The following LRRC4C variants were observed in gnomAD, a reference collection of about 807,000 sequenced individuals.
LRRC4C encodes leucine-rich repeat-containing protein 4C.
LRRC4C carries 5 observed loss-of-function variants against 33.6 expected under a neutral mutation model. The ratio of observed to expected loss-of-function variants is 0.15; its 90% CI spans 0.08 to 0.31. LRRC4C has a LOEUF of 0.31. LRRC4C is among the 10% of genes least tolerant of loss of function. The probability of loss-of-function intolerance (pLI) is 1.00; values close to 1 mark genes in which losing one functional copy is unlikely to be tolerated. For missense variants in LRRC4C, 560 were observed against 796.7 expected, an observed-to-expected ratio of 0.70 and a Z score of 3.58; for synonymous variants, 329 against 302.0, an observed-to-expected ratio of 1.09 and a Z score of -0.93.
At chr11:40,610,900 T>A (rs1961150066) in intron 3 of LRRC4C, among the ~76,000 whole-genome samples, 1 of 151,830 alleles carries the variant, frequency 6.6e-6, no homozygotes, top group Non-Finnish European at 1.5e-5. Context: ...AAAGACATAC[T>A]GTGTCAATGG....
chr11:40,362,352 G>A (rs1201236899), intron 3 of LRRC4C, among the ~76,000 whole-genome samples: 1 of 152,082 alleles, frequency 6.6e-6, no homozygotes, highest in Non-Finnish European at 1.5e-5. Context: ...AAAAAAATTT[G>A]CAAATTATAC....
At chr11:41,164,232 C>T (rs1451229863) in intron 1 of LRRC4C, among the ~76,000 whole-genome samples, 1 of 140,846 alleles carries the variant, frequency 7.1e-6, no homozygotes, top group Non-Finnish European at 1.5e-5. Context: ...TTAACTAAGA[C>T]ACTACACATA....
intron 4 of LRRC4C, among the ~76,000 whole-genome samples, chr11:40,245,158 A>G (rs947909633): frequency 6.6e-6 from 1 of 152,160 alleles, no homozygotes; most frequent in African/African-American, 2.4e-5. Context: ...CCTGAGACCA[A>G]CTAGGAATTG....
intron 4 of LRRC4C, among the ~76,000 whole-genome samples, chr11:40,268,298 A>G (rs1299110791): frequency 6.6e-6 from 1 of 152,188 alleles, no homozygotes; most frequent in Non-Finnish European, 1.5e-5. Context: ...TTGCAGCTAA[A>G]GACACTTCAA....
At position 40,700,615 on chromosome 11, in the gene LRRC4C, A is replaced by G. The variant is rs184454759; in HGVS notation, c.-406-52337T>C. ...GTTACTTGCCCAAGATTAAAAAGCT[A>G]ACAAAGGACAAAGTTAGCTAAATGA... On this transcript the variant is annotated intron_variant, in intron 2 of 6. Coordinates refer to ENST00000528697, the MANE Select transcript of LRRC4C (RefSeq NM_001258419.2). 4.6e-5 allele frequency among the ~76,000 whole-genome samples: 7 copies of G among 152,242 alleles called. No individual in the cohort carries two copies. The East Asian group carries it at 1.4e-3, about 30-fold the overall frequency.
chr11:40,253,754 A>G (rs763142375), intron 4 of LRRC4C, among the ~76,000 whole-genome samples: 41 of 152,202 alleles, frequency 2.7e-4, no homozygotes, highest in Admixed American at 3.3e-4. Context: ...GAGGGAACCT[A>G]TGCAAGTCAA....
intron 2 of LRRC4C, among the ~76,000 whole-genome samples, chr11:40,794,763 C>T (rs1050858384): frequency 5.3e-5 from 8 of 151,994 alleles, no homozygotes; most frequent in Admixed American, 3.3e-4. Context: ...ATCAAATAAC[C>T]TAGGGAAGCC....
intron 3 of LRRC4C, among the ~76,000 whole-genome samples, chr11:40,594,991 G>T (rs1254229742): frequency 6.6e-6 from 1 of 151,826 alleles, no homozygotes. Flanking sequence ...TTATTTAATT[G>T]TTCTTTTACA....
intron 1 of LRRC4C, among the ~76,000 whole-genome samples, chr11:41,109,292 C>T (rs1941690543): frequency 6.6e-6 from 1 of 152,014 alleles, no homozygotes; most frequent in African/African-American, 2.4e-5. Flanking sequence ...ATTTCAATTG[C>T]TAAAAGACAG....
At chr11:40,277,151 TC>T (rs1943168469) in intron 4 of LRRC4C, among the ~76,000 whole-genome samples, 1 of 152,092 alleles carries the variant, frequency 6.6e-6, no homozygotes, top group East Asian at 1.9e-4. Flanking sequence ...ACTGTTAGTA[TC>T]ACCACATCTT....
chr11:41,102,759 G>A (rs532947085), intron 1 of LRRC4C, among the ~76,000 whole-genome samples: 26 of 152,130 alleles, frequency 1.7e-4, no homozygotes, highest in Non-Finnish European at 3.4e-4. Flanking sequence ...ACAACGCTGT[G>A]CTCATTTCCA....
At chr11:40,399,348 C>G (rs1949669596) in intron 3 of LRRC4C, among the ~76,000 whole-genome samples, 1 of 152,106 alleles carries the variant, frequency 6.6e-6, no homozygotes, top group Non-Finnish European at 1.5e-5. Context: ...GAATACTATG[C>G]AGCCATTAAA....
intron 4 of LRRC4C, among the ~76,000 whole-genome samples, chr11:40,252,028 A>T (rs972268399): frequency 6.6e-6 from 1 of 152,160 alleles, no homozygotes; most frequent in Non-Finnish European, 1.5e-5. Context: ...CTATTTATTC[A>T]TATCTATCCT....
At chr11:40,392,481 G>T (rs1367688969) in intron 3 of LRRC4C, among the ~76,000 whole-genome samples, 1 of 151,766 alleles carries the variant, frequency 6.6e-6, no homozygotes, top group African/African-American at 2.4e-5. Flanking sequence ...ACTTAAAATT[G>T]CTCTAAAAAT....
intron 3 of LRRC4C, among the ~76,000 whole-genome samples, chr11:40,450,829 T>C (rs1161880437): frequency 6.8e-6 from 1 of 146,924 alleles, no homozygotes; most frequent in Non-Finnish European, 1.5e-5. Context: ...AAGCCCAATG[T>C]AATTAAATGA....
intron 3 of LRRC4C, among the ~76,000 whole-genome samples, chr11:40,331,921 G>A (rs948391720): frequency 3.3e-5 from 5 of 152,020 alleles, no homozygotes; most frequent in Admixed American, 6.6e-5. Flanking sequence ...TAAATCCTGC[G>A]TACATGTTCA....
At chr11:41,123,178 T>A (rs1294862073) in intron 1 of LRRC4C, among the ~76,000 whole-genome samples, 1 of 151,820 alleles carries the variant, frequency 6.6e-6, no homozygotes, top group African/African-American at 2.4e-5. Flanking sequence ...GGAGGGTAAA[T>A]TCCCTGGTCA....
At chr11:40,509,494 T>A (rs959752769) in intron 3 of LRRC4C, among the ~76,000 whole-genome samples, 10 of 152,138 alleles carry the variant, frequency 6.6e-5, no homozygotes, top group East Asian at 1.9e-4. Context: ...AAAATTTTTT[T>A]AATTTTTATT....
chr11:40,746,746 ACTCCTCT>A lies in LRRC4C; in HGVS notation c.-406-98475_-406-98469del, dbSNP rs1239071525. On this transcript the variant is annotated intron_variant, in intron 2 of 6. Coordinates refer to ENST00000528697, the MANE Select transcript of LRRC4C (RefSeq NM_001258419.2). ...AGTCCATCACCATGGTCCCCTGAGC[ACTCCTCT>A]TGGTGAACTGAACACTCCTCCTAAG... 5.3e-5 allele frequency among the ~76,000 whole-genome samples: 8 copies of A among 151,854 alleles called. No individual in the cohort carries two copies. The South Asian group carries it at 1.7e-3, about 32-fold the overall frequency.
Sources: gnomAD v4.1 joint callset for allele counts (sites outside exome capture counted in the v4.1 genomes callset) on GRCh38, gnomAD v4.1.1 for gene constraint, MANE v1.5 for transcripts, NCBI Gene and HGNC (gene_info 2026-07-23, HGNC 2026-07-21) for gene names.